The following KIAA1210 variants were observed in gnomAD, a reference collection of about 807,000 sequenced individuals.
KIAA1210 encodes acrosomal protein KIAA1210.
KIAA1210 carries 48 observed loss-of-function variants against 78.9 expected under a neutral mutation model. That is an observed-to-expected ratio of 0.61 (90% CI 0.48 to 0.77). KIAA1210 has a LOEUF of 0.77. KIAA1210 is among the 30% of genes least tolerant of loss of function. The pLI is 0.00. For synonymous variants in KIAA1210, 406 were observed against 404.5 expected (o/e 1.00, Z -0.04); for missense variants, 1,108 against 1,100.0 (o/e 1.01, Z -0.10).
chrX:119,128,506 G>C (rs1239268977), upstream of KIAA1210, among the ~76,000 whole-genome samples: 6 of 108,092 alleles, frequency 5.6e-5, no homozygotes, highest in Non-Finnish European at 1.1e-4. Context: ...CTTTGCATTT[G>C]CTGCTTTCTC....
chrX:119,086,993 G>T lies in KIAA1210; in HGVS notation c.3709C>A (p.Gln1237Lys). The change falls in exon 9 of 12, where the codon CAA (glutamine) becomes AAA (lysine). Residue 1237 changes from glutamine (Q) to lysine (K), a missense_variant. This residue lies in a region of KIAA1210 where 245 missense variants were observed against 278.8 expected (regional missense o/e 0.88). Coordinates refer to ENST00000691062, the MANE Select transcript of KIAA1210 (RefSeq NM_001394962.1). ...CTCTTTATGGGGTTTTTGGAACCTT[G>T]GCTGAATTTCTTGGTTTTGATTGCA... ...AFAIKTKKFS[Q>K]GSKNPIKSIP... 2 of 1,211,276 alleles carry T rather than the reference G, an allele frequency of 1.7e-6. No homozygotes were observed. The highest frequency in any genetic ancestry group is 1.1e-6 in the Non-Finnish European group (1 of 895,309).
chrX:119,091,750 A>C (rs1003342255), intron 8 of KIAA1210, among the ~76,000 whole-genome samples: 4 of 111,968 alleles, frequency 3.6e-5, no homozygotes, highest in Non-Finnish European at 7.5e-5. Flanking sequence ...ATGTGATACT[A>C]CTCAGGCATA....
chrX:119,094,006 G>A, intron 7 of KIAA1210: 1 of 1,197,365 alleles, frequency 8.4e-7, no homozygotes, highest in Non-Finnish European at 1.1e-6. Context: ...GGTTCATCCA[G>A]GTTTGGAGTT....
chrX:119,124,648 G>A (rs934540809), intron 1 of KIAA1210, among the ~76,000 whole-genome samples: 1 of 112,098 alleles, frequency 8.9e-6, no homozygotes, highest in Non-Finnish European at 1.9e-5. Flanking sequence ...AGCACTTTGG[G>A]AGGCAAAGGC....
chrX:119,086,860 T>C lies in KIAA1210; in HGVS notation c.3842A>G (p.Asp1281Gly). 5 of 1,211,506 alleles carry C rather than the reference T, an allele frequency of 4.1e-6. No homozygotes were observed. In the East Asian group the frequency reaches 1.5e-4, roughly 36 times the overall value. Reference protein sequence around the residue: ...YSKKEDLESGDGNNNQHANLS... With the variant: ...YSKKEDLESGGGNNNQHANLS... ...GTTTGCATGCTGGTTATTATTACCA[T>C]CACCACTCTCAAGATCTTCTTTCTT... Residue 1281 changes from aspartate to glycine, a missense_variant, in exon 9 of 12, where the codon GAT becomes GGT. By Grantham distance (94) the Asp-to-Gly change is moderately conservative. This residue lies in a region of KIAA1210 where 245 missense variants were observed against 278.8 expected (regional missense o/e 0.88). Coordinates refer to ENST00000691062, the MANE Select transcript of KIAA1210 (RefSeq NM_001394962.1).
At chrX:119,138,370 C>A (rs1020091220) in intron 2 of KIAA1210, among the ~76,000 whole-genome samples, 1 of 109,783 alleles carries the variant, frequency 9.1e-6, no homozygotes, top group African/African-American at 3.3e-5. Flanking sequence ...AGGTGACCAC[C>A]ACCATGCCCG....
At chrX:119,096,405 C>T in intron 7 of KIAA1210, 89 bp downstream of exon 7, 1 of 867,366 alleles carries the variant, frequency 1.2e-6, no homozygotes, top group East Asian at 3.2e-5. Flanking sequence ...TCTCCTACAC[C>T]ATACTATTTC....
At chrX:119,119,639 G>A (rs892369841) in intron 2 of KIAA1210, among the ~76,000 whole-genome samples, 9 of 111,513 alleles carry the variant, frequency 8.1e-5, no homozygotes, top group Admixed American at 1.9e-4. Context: ...GAGCTCAGGA[G>A]TTCGAGACCA....
At chrX:119,096,371 T>A in intron 7 of KIAA1210, 123 bp downstream of exon 7, 1 of 635,156 alleles carries the variant, frequency 1.6e-6, no homozygotes, top group East Asian at 3.5e-5. Flanking sequence ...CCCTTGACCT[T>A]GCCAAGCTTA....
rs10714793 is a variant in KIAA1210, at chrX:119,081,266, CAAAAAA to C, written c.*57_*62del. 129 of 560,191 alleles carry C rather than the reference CAAAAAA, an allele frequency of 2.3e-4. No individual in the cohort carries two copies. The highest frequency in any genetic ancestry group is 2.5e-4 in the Non-Finnish European group (108 of 424,959). The allele number at this position is 560,191 out of a possible 1,213,427, so 46.2% of individuals were successfully genotyped here. ...TGGGTAACAGAGCGAGACTCTGTCT[CAAAAAA>C]AAAAAAAAAAAAAAAAACTAAATAA... On this transcript the variant is annotated 3_prime_UTR_variant, in exon 12 of 12. Transcript: ENST00000691062.
At chrX:119,094,176 G>T in intron 7 of KIAA1210, 1 of 580,230 alleles carries the variant, frequency 1.7e-6, no homozygotes, top group South Asian at 3.1e-5. Flanking sequence ...CACCAGACCT[G>T]TGAGTCAAAT....
intron 5 of KIAA1210, among the ~76,000 whole-genome samples, chrX:119,106,749 A>G (rs758748867): frequency 8.9e-6 from 1 of 112,762 alleles, no homozygotes; most frequent in Admixed American, 9.3e-5. Context: ...TTGGAGAGTA[A>G]TGTAGGCATC....
Position 119,150,080 on chromosome X carries a change from G to T in KIAA1210, c.289+211C>A, listed in dbSNP as rs773972549. 4.5e-5 allele frequency among the ~76,000 whole-genome samples: 5 copies of T among 112,302 alleles called. No individual in the cohort carries two copies. In the Admixed American group the frequency reaches 4.7e-4, roughly 11 times the overall value. On this transcript the variant is annotated intron_variant, in intron 1 of 13. Transcript: ENST00000402510. ...ATGGTGTTACTAATCAATGAAATGA[G>T]CCTTGTAAAATCCAGGTTTGTGTGG...
chrX:119,131,942 T>C (rs1004756471), upstream of KIAA1210, among the ~76,000 whole-genome samples: 6 of 111,963 alleles, frequency 5.4e-5, no homozygotes, highest in Non-Finnish European at 9.4e-5. Flanking sequence ...GGCATGGTGG[T>C]GCACACCTGT....
upstream of KIAA1210, among the ~76,000 whole-genome samples, chrX:119,130,504 T>C (rs1928764190): frequency 8.9e-6 from 1 of 112,917 alleles, no homozygotes; most frequent in African/African-American, 3.2e-5. Flanking sequence ...TATCTGAGTA[T>C]TACCAGCACC....
chrX:119,110,972 G>C (rs1187017169), intron 3 of KIAA1210, among the ~76,000 whole-genome samples: 1 of 109,906 alleles, frequency 9.1e-6, no homozygotes, highest in Admixed American at 9.7e-5. Flanking sequence ...AAATGCAAGG[G>C]ACCACAAATA....
In KIAA1210 at chrX:119,088,762, T is replaced by C; in HGVS notation, c.1940A>G (p.Glu647Gly). 8.3e-7 allele frequency: 1 copy of C among 1,211,380 alleles called. No individual in the cohort carries two copies. Residue 647 changes from glutamate (E) to glycine (G), a missense_variant, in exon 9 of 12, where the codon GAG becomes GGG. Glu to Gly is a moderately conservative substitution (Grantham distance 98, BLOSUM62 -2). Coordinates refer to ENST00000691062, the MANE Select transcript of KIAA1210 (RefSeq NM_001394962.1). ...EVFSESKSFVEDLSSSEEELD... is the reference protein window; with the variant it reads ...EVFSESKSFVGDLSSSEEELD... The stretch of plus-strand genomic sequence containing the variant: ...CTCCTCCTCAGAGCTGCTCAAGTCC[T>C]CAACAAAACTTTTTGATTCTGAGAA...
At chrX:119,140,003 A>AGGGT (rs1929010777) in intron 2 of KIAA1210, among the ~76,000 whole-genome samples, 1 of 111,469 alleles carries the variant, frequency 9.0e-6, no homozygotes, top group Non-Finnish European at 1.9e-5. Context: ...CTTGAAGTCT[A>AGGGT]GGGTTATTTT....
intron 5 of KIAA1210, among the ~76,000 whole-genome samples, chrX:119,107,211 A>G (rs1927920289): frequency 8.8e-6 from 1 of 113,146 alleles, no homozygotes; most frequent in Non-Finnish European, 1.9e-5. Context: ...CCTTTAGGCT[A>G]TTGTGGCCTT....
Sources: gnomAD v4.1 joint callset for allele counts (sites outside exome capture counted in the v4.1 genomes callset) on GRCh38, gnomAD v4.1.1 for gene constraint, gnomAD v4.1.1 regional missense constraint, MANE v1.5 for transcripts, NCBI Gene and HGNC (gene_info 2026-07-23, HGNC 2026-07-21) for gene names.